Variants in BRAP observed in about 807,000 individuals in gnomAD.
BRAP encodes the protein BRCA1 associated protein.
In BRAP, 42 loss-of-function variants were observed where a neutral mutation model predicts 73.4. The ratio of observed to expected loss-of-function variants is 0.57; its 90% CI spans 0.45 to 0.74. The LOEUF is 0.74. Ranked by LOEUF, BRAP falls within the 30% of genes least tolerant of loss-of-function variation. The probability of loss-of-function intolerance (pLI) is 0.00; values close to 1 mark genes in which losing one functional copy is unlikely to be tolerated. For synonymous variants in BRAP, 255 were observed against 267.4 expected, an observed-to-expected ratio of 0.95 and a Z score of 0.45; for missense variants, 593 against 751.4, an observed-to-expected ratio of 0.79 and a Z score of 2.46.
intron 6 of BRAP, 130 bp from the exon 7 acceptor site, chr12:111,660,805 T>C (rs1886720512): frequency 5.1e-6 from 3 of 583,642 alleles, no homozygotes; most frequent in Non-Finnish European, 8.6e-6. Flanking sequence ...ACTAAGGATA[T>C]CACTTAAAAT....
intron 4 of BRAP, among the ~76,000 whole-genome samples, chr12:111,674,039 T>C (rs1887280627): frequency 6.6e-6 from 1 of 152,186 alleles, no homozygotes; most frequent in Non-Finnish European, 1.5e-5. Flanking sequence ...CCTACCAACA[T>C]TGACAGGCTG....
At chr12:111,679,867 A>C (rs1326522335) in intron 3 of BRAP, among the ~76,000 whole-genome samples, 11 of 96,860 alleles carry the variant, frequency 1.1e-4, no homozygotes, top group South Asian at 4.4e-4. Context: ...ACAGAGCAAG[A>C]CTCCATCTCA....
chr12:111,683,908 G>A (rs1349379223), intron 1 of BRAP, among the ~76,000 whole-genome samples: 1 of 152,082 alleles, frequency 6.6e-6, no homozygotes, highest in Non-Finnish European at 1.5e-5. Context: ...CAGTGATCAT[G>A]CCCAGATGAG....
At chr12:111,670,689 C>A (rs1401934934) in intron 5 of BRAP, among the ~76,000 whole-genome samples, 2 of 152,204 alleles carry the variant, frequency 1.3e-5, no homozygotes, top group Non-Finnish European at 2.9e-5. Context: ...TGAGTTTCCT[C>A]ATGTTGGCCA....
chr12:111,661,631 G>T (rs1345953083), intron 6 of BRAP, among the ~76,000 whole-genome samples: 1 of 150,986 alleles, frequency 6.6e-6, no homozygotes, highest in Admixed American at 6.6e-5. Context: ...ATTTCCCAAA[G>T]ATTTAAATCA....
chr12:111,684,168 G>A (rs150484418), intron 1 of BRAP, among the ~76,000 whole-genome samples: 1 of 152,242 alleles, frequency 6.6e-6, no homozygotes, highest in East Asian at 1.9e-4. Flanking sequence ...TCAGGGCAGG[G>A]ACAAGGCCTG....
chr12:111,671,575 A>T (rs903852115), intron 5 of BRAP, among the ~76,000 whole-genome samples: 1 of 151,600 alleles, frequency 6.6e-6, no homozygotes, highest in Non-Finnish European at 1.5e-5. Context: ...CGGAATCAAG[A>T]GGCCAGGCAC....
intron 2 of BRAP, among the ~76,000 whole-genome samples, chr12:111,682,241 G>A (rs1021579001): frequency 3.9e-5 from 6 of 152,082 alleles, no homozygotes; most frequent in East Asian, 1.9e-4. Flanking sequence ...GAGCTGGCTG[G>A]CCGGGTGCAG....
chr12:111,676,374 C>T (rs1887382112), intron 4 of BRAP, among the ~76,000 whole-genome samples: 1 of 152,076 alleles, frequency 6.6e-6, no homozygotes, highest in Non-Finnish European at 1.5e-5. Flanking sequence ...TGGCTGCAGG[C>T]AAGTGACTTA....
chr12:111,670,545 G>A (rs1035076079), intron 5 of BRAP, among the ~76,000 whole-genome samples: 1 of 152,152 alleles, frequency 6.6e-6, no homozygotes, highest in Non-Finnish European at 1.5e-5. Flanking sequence ...CCAGGCTAGA[G>A]TGCAGTGGCG....
chr12:111,644,285 C>T lies in BRAP; in HGVS notation c.1693G>A (p.Ala565Thr), dbSNP rs756787438. 36 of 1,613,980 alleles carry T rather than the reference C, an allele frequency of 2.2e-5. No homozygotes were observed. In the Middle Eastern group the frequency reaches 4.9e-4, roughly 22 times the overall value. Reference protein sequence around the residue: ...QEIQEGQINIAMASASSPASS... With the variant: ...QEIQEGQINITMASASSPASS... Reference sequence around the variant, plus strand: ...GCAGGGCTCGAGGCCGAGGCCATGGCGATGTTGATCTGTCCCTCCTGGATT... The same window carrying T: ...GCAGGGCTCGAGGCCGAGGCCATGGTGATGTTGATCTGTCCCTCCTGGATT... Residue 565 changes from alanine (A) to threonine (T), a missense_variant, in exon 12 of 12, where the codon GCC (alanine) becomes ACC (threonine). Around this residue, in one of 4 missense-constraint regions of BRAP, gnomAD observed 79 missense variants for 65.3 expected, o/e 1.21. Transcript: ENST00000419234.
chr12:111,649,315 G>A (rs1189901653), intron 11 of BRAP, among the ~76,000 whole-genome samples: 1 of 152,038 alleles, frequency 6.6e-6, no homozygotes, highest in Non-Finnish European at 1.5e-5. Flanking sequence ...ACCATGCCCA[G>A]CTCATTTTTG....
At chr12:111,661,715 T>C (rs10774635) in intron 6 of BRAP, among the ~76,000 whole-genome samples, 1 of 148,650 alleles carries the variant, frequency 6.7e-6, no homozygotes, top group East Asian at 2.0e-4. Context: ...AAAAAAAGGT[T>C]TTTTTTTTTT....
chr12:111,685,079 C>T (rs1424362706), intron 1 of BRAP, among the ~76,000 whole-genome samples: 1 of 152,226 alleles, frequency 6.6e-6, no homozygotes, highest in East Asian at 1.9e-4. Flanking sequence ...GTAAAAAGCT[C>T]AGACTCAAGT....
chr12:111,677,406 C>T (rs113174204), intron 4 of BRAP, among the ~76,000 whole-genome samples: 11 of 152,298 alleles, frequency 7.2e-5, no homozygotes, highest in African/African-American at 2.6e-4. Context: ...AAGAGGAACG[C>T]GTCCCTGGAA....
At position 111,672,713 on chromosome 12, in the gene BRAP, T is replaced by A; in HGVS notation, c.695A>T (p.Asp232Val). ...TTCCACATACACTAGCTGGCAAACG[T>A]CATCTTCTATTGAGTTGAACTGGCG... is the stretch of plus-strand genomic sequence containing the variant. ...NGRQFNSIED[D>V]VCQLVYVERA... Residue 232 changes from aspartate to valine, a missense_variant, in exon 5 of 12, where the codon GAC becomes GTC. By Grantham distance (152) the Asp-to-Val change is radical. Coordinates refer to ENST00000419234, the MANE Select transcript of BRAP (RefSeq NM_006768.5). The A allele has an allele frequency of 6.2e-7, 1 of 1,614,154 alleles. No homozygotes were observed. The highest frequency in any genetic ancestry group is 8.5e-7 in the Non-Finnish European group (1 of 1,180,032).
chr12:111,660,886 G>A (rs1221877353), intron 6 of BRAP, among the ~76,000 whole-genome samples: 1 of 152,196 alleles, frequency 6.6e-6, no homozygotes, highest in Non-Finnish European at 1.5e-5. Flanking sequence ...TCTGCCTCAT[G>A]TCCTTTTCCG....
At chr12:111,659,367 T>TA (rs770414659) in intron 7 of BRAP, 22 bp from the exon 8 acceptor site, 7 of 1,599,724 alleles carry the variant, frequency 4.4e-6, no homozygotes, top group African/African-American at 1.3e-5. Flanking sequence ...GGTAAGATCT[T>TA]AATTAGTTAA....
intron 11 of BRAP, among the ~76,000 whole-genome samples, chr12:111,649,020 A>G (rs1176407597): frequency 3.3e-5 from 5 of 152,132 alleles, no homozygotes; most frequent in Admixed American, 6.5e-5. Flanking sequence ...AACAACAACA[A>G]CAAAAAAAAC....
Sources: gnomAD v4.1 joint callset for allele counts (sites outside exome capture counted in the v4.1 genomes callset) on GRCh38, gnomAD v4.1.1 for gene constraint, gnomAD v4.1.1 regional missense constraint, MANE v1.5 for transcripts, NCBI Gene and HGNC (gene_info 2026-07-23, HGNC 2026-07-21) for gene names.